Variants in NHS observed in about 807,000 individuals in gnomAD.
NHS encodes the protein actin remodeling regulator NHS.
NHS carries 5 observed loss-of-function variants against 72.5 expected under a neutral mutation model. The observed-to-expected ratio is 0.07, with a 90% CI of 0.04 to 0.14. The LOEUF (loss-of-function observed/expected upper bound fraction) is 0.14, where lower values mean the gene tolerates loss of function less well. NHS is among the 10% of genes least tolerant of loss of function. The pLI, the probability that NHS is intolerant of heterozygous loss-of-function variation, is 1.00. For synonymous variants in NHS, 464 were observed against 547.7 expected (o/e 0.85, Z 2.13); for missense variants, 1,072 against 1,355.7 (o/e 0.79, Z 3.29).
intron 1 of NHS, among the ~76,000 whole-genome samples, chrX:17,468,835 G>A (rs2064880566): frequency 9.0e-6 from 1 of 111,655 alleles, no homozygotes; most frequent in Non-Finnish European, 1.9e-5. Flanking sequence ...GATTACAGGT[G>A]TGAACCACCT....
chrX:17,708,403 T>G (rs1447342274), intron 3 of NHS, among the ~76,000 whole-genome samples: 3 of 111,674 alleles, frequency 2.7e-5, no homozygotes, highest in Admixed American at 9.5e-5. Flanking sequence ...CGAAACAATA[T>G]CTCCACTTGA....
At chrX:17,461,968 C>T (rs1440294567) in intron 1 of NHS, among the ~76,000 whole-genome samples, 1 of 111,045 alleles carries the variant, frequency 9.0e-6, no homozygotes, top group Non-Finnish European at 1.9e-5. Context: ...CTTTTCAAGC[C>T]TCTGCTTGCA....
intron 3 of NHS, among the ~76,000 whole-genome samples, chrX:17,717,186 C>T (rs759876437): frequency 8.9e-6 from 1 of 111,773 alleles, no homozygotes; most frequent in Non-Finnish European, 1.9e-5. Flanking sequence ...AGGCTAGTCT[C>T]GAACTCCTGA....
intron 1 of NHS, among the ~76,000 whole-genome samples, chrX:17,652,036 C>A (rs1462975987): frequency 8.9e-6 from 1 of 112,553 alleles, no homozygotes; most frequent in Non-Finnish European, 1.9e-5. Context: ...TGAAACACAG[C>A]CACATCCATC....
chrX:17,615,173 GTA>G (rs1245610791), intron 1 of NHS, among the ~76,000 whole-genome samples: 4 of 37,881 alleles, frequency 1.1e-4, no homozygotes, highest in Admixed American at 4.7e-4. Context: ...ATATATATAC[GTA>G]TATATATAGT....
chrX:17,706,190 A>AAAAAC (rs762273275), intron 3 of NHS, among the ~76,000 whole-genome samples: 1 of 111,323 alleles, frequency 9.0e-6, no homozygotes, highest in Non-Finnish European at 1.9e-5. Context: ...AGACTGTCTC[A>AAAAAC]AAAACAAAAC....
intron 1 of NHS, among the ~76,000 whole-genome samples, chrX:17,436,571 T>C (rs1011015602): frequency 1.2e-4 from 13 of 107,386 alleles, no homozygotes; most frequent in African/African-American, 4.1e-4. Context: ...TGTCATATAC[T>C]GCAGCCATTT....
intron 1 of NHS, among the ~76,000 whole-genome samples, chrX:17,408,103 G>A (rs776509951): frequency 2.0e-4 from 22 of 111,141 alleles, no homozygotes; most frequent in African/African-American, 6.9e-4. Context: ...TCCACCTCCT[G>A]GACTCAGTCC....
At chrX:17,539,013 G>T (rs1024480187) in intron 1 of NHS, among the ~76,000 whole-genome samples, 4 of 112,161 alleles carry the variant, frequency 3.6e-5, no homozygotes, top group Non-Finnish European at 7.5e-5. Flanking sequence ...GAGTCTACAT[G>T]ATGGGCACAT....
chrX:17,522,569 A>G (rs1014854631), intron 1 of NHS, among the ~76,000 whole-genome samples: 7 of 94,959 alleles, frequency 7.4e-5, no homozygotes, highest in African/African-American at 2.8e-4. Flanking sequence ...CAGGAGCTGC[A>G]GCCGCCTGGG....
intron 1 of NHS, among the ~76,000 whole-genome samples, chrX:17,394,957 G>A (rs887559662): frequency 9.0e-6 from 1 of 111,394 alleles, no homozygotes; most frequent in African/African-American, 3.3e-5. Flanking sequence ...TCTTTTGATA[G>A]ATGAGGAAAT....
intron 1 of NHS, among the ~76,000 whole-genome samples, chrX:17,533,217 G>C (rs1459171851): frequency 8.9e-6 from 1 of 112,368 alleles, no homozygotes; most frequent in African/African-American, 3.2e-5. Flanking sequence ...ATCGTCTCCA[G>C]TGTGTGAGTC....
intron 1 of NHS, among the ~76,000 whole-genome samples, chrX:17,566,592 TGAGAGCCGA>T (rs947596973): frequency 4.5e-5 from 5 of 111,565 alleles, no homozygotes; most frequent in African/African-American, 1.3e-4. Flanking sequence ...TTATGGAAGC[TGAGAGCCGA>T]GAGAGACCTT....
intron 3 of NHS, among the ~76,000 whole-genome samples, chrX:17,707,042 T>C (rs1601846459): frequency 8.9e-6 from 1 of 112,036 alleles, no homozygotes; most frequent in East Asian, 2.8e-4. Flanking sequence ...GTAGAGTCCA[T>C]GAGGACCCTT....
intron 1 of NHS, among the ~76,000 whole-genome samples, chrX:17,468,729 A>T (rs1345225576): frequency 4.6e-5 from 5 of 109,752 alleles, no homozygotes; most frequent in African/African-American, 6.6e-5. Context: ...ATTTAAAAAA[A>T]TTTTTTGTAG....
intron 1 of NHS, among the ~76,000 whole-genome samples, chrX:17,418,883 C>T (rs2064609549): frequency 8.9e-6 from 1 of 111,778 alleles, no homozygotes; most frequent in South Asian, 3.7e-4. Context: ...GCTCTAACAG[C>T]AAAGAGCAAG....
intron 1 of NHS, among the ~76,000 whole-genome samples, chrX:17,432,884 C>T (rs1367253000): frequency 9.0e-6 from 1 of 111,140 alleles, no homozygotes; most frequent in African/African-American, 3.3e-5. Context: ...AAGAGGTGGG[C>T]GACAGTGGGA....
chrX:17,547,552 A>T (rs1253033347), intron 1 of NHS, among the ~76,000 whole-genome samples: 1 of 112,292 alleles, frequency 8.9e-6, no homozygotes, highest in Non-Finnish European at 1.9e-5. Context: ...AGCATCTCCC[A>T]TACAGTCCTG....
At chrX:17,410,970 A>C (rs745813132) in intron 1 of NHS, among the ~76,000 whole-genome samples, 1 of 111,690 alleles carries the variant, frequency 9.0e-6, no homozygotes, top group African/African-American at 3.2e-5. Flanking sequence ...ACGTCCAACT[A>C]TAAAGAGAAA....
Sources: allele counts gnomAD v4.1 joint callset (sites outside exome capture counted in the v4.1 genomes callset), GRCh38; gene constraint gnomAD v4.1.1; transcripts MANE v1.5; gene names NCBI Gene and HGNC (gene_info 2026-07-23, HGNC 2026-07-21).